Variants in FGF14 observed in about 807,000 individuals in gnomAD.
FGF14 encodes fibroblast growth factor 14.
Under a neutral mutation model 25.5 loss-of-function variants are expected in FGF14, and 5 were observed. The observed-to-expected ratio is 0.20, with a 90% confidence interval of 0.10 to 0.41. The LOEUF (loss-of-function observed/expected upper bound fraction) is 0.41, where lower values mean the gene tolerates loss of function less well. Ranked by LOEUF, FGF14 falls within the 10% of genes least tolerant of loss-of-function variation. The pLI is 1.00. For synonymous variants in FGF14, 138 were observed against 118.3 expected (o/e 1.17, Z -1.08); for missense variants, 222 against 320.1 (o/e 0.69, Z 2.34).
intron 1 of FGF14, among the ~76,000 whole-genome samples, chr13:102,229,823 T>A (rs2140987852): frequency 6.6e-6 from 1 of 152,356 alleles, no homozygotes; most frequent in Non-Finnish European, 1.5e-5. Flanking sequence ...TTTTCCAGAT[T>A]AACTCTGAAT....
At chr13:101,800,909 C>T (rs115819177) in intron 3 of FGF14, among the ~76,000 whole-genome samples, 93 of 152,216 alleles carry the variant, frequency 6.1e-4, no homozygotes, top group African/African-American at 2.1e-3. Flanking sequence ...CCATCCTGAA[C>T]CTTCATATCA....
intron 1 of FGF14, among the ~76,000 whole-genome samples, chr13:102,117,935 T>C (rs1183314632): frequency 1.3e-5 from 2 of 152,178 alleles, no homozygotes; most frequent in Non-Finnish European, 2.9e-5. Context: ...AATAATTTTT[T>C]GTGTGAACCT....
intron 1 of FGF14, among the ~76,000 whole-genome samples, chr13:102,111,641 A>T (rs1024171591): frequency 6.6e-6 from 1 of 151,924 alleles, no homozygotes; most frequent in Admixed American, 6.6e-5. Context: ...GCTTGAGTCC[A>T]GGAGGTGGAG....
intron 1 of FGF14, among the ~76,000 whole-genome samples, chr13:101,898,469 T>G (rs2031060842): frequency 6.6e-6 from 1 of 151,992 alleles, no homozygotes; most frequent in African/African-American, 2.4e-5. Flanking sequence ...CAGTGGGTAA[T>G]GTTCTGAAAG....
At chr13:102,184,263 C>T (rs1363330959) in intron 1 of FGF14, among the ~76,000 whole-genome samples, 1 of 152,026 alleles carries the variant, frequency 6.6e-6, no homozygotes, top group Non-Finnish European at 1.5e-5. Context: ...AAAACGTTGA[C>T]ACTGAGGAGA....
chr13:102,314,878 C>T (rs1170244773), intron 1 of FGF14, among the ~76,000 whole-genome samples: 1 of 151,138 alleles, frequency 6.6e-6, no homozygotes, highest in Non-Finnish European at 1.5e-5. Flanking sequence ...ATTGATCTCA[C>T]TTCTATTAGC....
intron 1 of FGF14, among the ~76,000 whole-genome samples, chr13:102,240,196 C>G (rs1275661744): frequency 6.6e-6 from 1 of 152,090 alleles, no homozygotes; most frequent in Non-Finnish European, 1.5e-5. Flanking sequence ...ATATAACTCT[C>G]AGCAAGATTA....
intron 1 of FGF14, among the ~76,000 whole-genome samples, chr13:102,019,790 A>T (rs1004380552): frequency 2.0e-5 from 3 of 152,164 alleles, no homozygotes; most frequent in Non-Finnish European, 2.9e-5. Context: ...CACACTTTAA[A>T]TACAGAGCTG....
At chr13:102,356,365 A>T (rs899924217) in intron 1 of FGF14, among the ~76,000 whole-genome samples, 6 of 152,220 alleles carry the variant, frequency 3.9e-5, no homozygotes, top group Admixed American at 2.0e-4. Flanking sequence ...AAGCAATTAG[A>T]CATAAATCTA....
At chr13:101,914,289 G>C (rs2033250363) in intron 1 of FGF14, among the ~76,000 whole-genome samples, 1 of 151,070 alleles carries the variant, frequency 6.6e-6, no homozygotes, top group African/African-American at 2.4e-5. Context: ...TATTTGTTTT[G>C]CTTAAAATTA....
Position 102,365,767 on chromosome 13 carries a change from T to G in FGF14, c.208+35704A>C, listed in dbSNP as rs143884270. 6.8e-3 allele frequency among the ~76,000 whole-genome samples: 1,030 copies of G among 152,210 alleles called. 9 individuals are homozygous for G. Among genetic ancestry groups the G allele is most frequent in the Middle Eastern group, 0.021 (6 of 292 alleles). On this transcript the variant is annotated intron_variant, in intron 1 of 4. Coordinates refer to the FGF14 transcript ENST00000376131. ...GTGTGTGTGTGTATAGTTATAATTA[T>G]AGTTATATATAGTTTATATATAGTT... is the stretch of plus-strand genomic sequence containing the variant.
At chr13:102,214,345 C>A (rs891464948) in intron 1 of FGF14, among the ~76,000 whole-genome samples, 1 of 152,078 alleles carries the variant, frequency 6.6e-6, no homozygotes, top group Non-Finnish European at 1.5e-5. Flanking sequence ...TTTATTGTCT[C>A]CTTCTATTCT....
chr13:102,183,865 A>G (rs1391000960), intron 1 of FGF14, among the ~76,000 whole-genome samples: 1 of 152,190 alleles, frequency 6.6e-6, no homozygotes, highest in Non-Finnish European at 1.5e-5. Flanking sequence ...CTCAGATGTA[A>G]AATAAGAACC....
chr13:102,075,575 AT>A (rs1451578527), intron 1 of FGF14, among the ~76,000 whole-genome samples: 1 of 152,244 alleles, frequency 6.6e-6, no homozygotes, highest in Non-Finnish European at 1.5e-5. Flanking sequence ...AACAACTGTT[AT>A]TTGGCTTATG....
intron 1 of FGF14, among the ~76,000 whole-genome samples, chr13:102,242,144 T>C (rs1043266665): frequency 6.6e-6 from 1 of 152,088 alleles, no homozygotes; most frequent in Non-Finnish European, 1.5e-5. Flanking sequence ...TGTAAAATAT[T>C]TGTAAACTGT....
At chr13:102,153,486 G>C (rs1314231384) in intron 1 of FGF14, among the ~76,000 whole-genome samples, 2 of 152,090 alleles carry the variant, frequency 1.3e-5, no homozygotes, top group Non-Finnish European at 2.9e-5. Context: ...AATAGGATGG[G>C]CATCATCTCA....
At chr13:101,941,704 G>A (rs952534983) in intron 1 of FGF14, among the ~76,000 whole-genome samples, 2 of 152,170 alleles carry the variant, frequency 1.3e-5, no homozygotes, top group Non-Finnish European at 2.9e-5. Flanking sequence ...ATTACAAAAT[G>A]TGCTTCAAAG....
chr13:101,789,978 T>A (rs1173039314), intron 3 of FGF14, among the ~76,000 whole-genome samples: 1 of 151,786 alleles, frequency 6.6e-6, no homozygotes, highest in Non-Finnish European at 1.5e-5. Flanking sequence ...TGAAAGAGGC[T>A]TCTTCTCCTT....
At chr13:102,011,684 G>C (rs2040086338) in intron 1 of FGF14, among the ~76,000 whole-genome samples, 1 of 152,180 alleles carries the variant, frequency 6.6e-6, no homozygotes, top group African/African-American at 2.4e-5. Context: ...TTGCCATACA[G>C]GGAGTGGCAG....
Sources: allele counts gnomAD v4.1 joint callset (sites outside exome capture counted in the v4.1 genomes callset), GRCh38; gene constraint gnomAD v4.1.1; transcripts MANE v1.5; gene names NCBI Gene and HGNC (gene_info 2026-07-23, HGNC 2026-07-21).